The following PCDHGA8 variants were observed in gnomAD, a reference collection of about 807,000 sequenced individuals.
The protein encoded by PCDHGA8 is protocadherin gamma-A8.
PCDHGA8 carries 45 observed loss-of-function variants against 59.2 expected under a neutral mutation model. The ratio of observed to expected loss-of-function variants is 0.76; its 90% CI spans 0.60 to 0.98. The LOEUF is 0.98. Among genes scored for constraint, PCDHGA8 ranks in the 50% least tolerant of loss-of-function variants. The probability of loss-of-function intolerance (pLI) is 0.00; values close to 1 mark genes in which losing one functional copy is unlikely to be tolerated. For missense variants in PCDHGA8, 1,257 were observed against 1,196.2 expected (o/e 1.05, Z -0.75); for synonymous variants, 531 against 519.0 (o/e 1.02, Z -0.32).
intron 1 of PCDHGA8, among the ~76,000 whole-genome samples, chr5:141,444,646 G>T (rs1023259048): frequency 1.3e-5 from 2 of 152,098 alleles, no homozygotes; most frequent in Non-Finnish European, 2.9e-5. Flanking sequence ...TGAGGTAGGG[G>T]TTGAAGTTAT....
intron 1 of PCDHGA8, chr5:141,423,684 T>G (rs201506477): frequency 6.6e-7 from 1 of 1,524,756 alleles, no homozygotes; most frequent in Non-Finnish European, 8.8e-7. Context: ...CTCTGCCTCC[T>G]AATTGTTGGT....
Position 141,476,176 on chromosome 5 carries a change from G to C in PCDHGA8, c.2425-18631G>C, listed in dbSNP as rs778169270. 1 of 1,613,530 alleles carries C rather than the reference G, an allele frequency of 6.2e-7. No homozygotes were observed. The highest frequency in any genetic ancestry group is 8.5e-7 in the Non-Finnish European group (1 of 1,180,006). On this transcript the variant is annotated intron_variant, in intron 1 of 3. Transcript: ENST00000398604. The surrounding 1 kb of genome is among the most constrained non-coding windows in gnomAD (Gnocchi z 7.6). ...GCACCGGGAGGGTAGTGGGAGTTTT[G>C]CTTCTGCTTGGTGCCTTGAACAAGG...
chr5:141,394,256 C>G lies in PCDHGA8; in HGVS notation c.1443C>G (p.Ser481Arg). Residue 481 changes from serine (S) to arginine (R), a missense_variant, in exon 1 of 4, where the codon AGC (serine) becomes AGG (arginine). Physicochemically the swap from Ser to Arg is moderately radical, Grantham distance 110. Transcript: ENST00000398604. ...IFSLTAHDPD[S>R]QENAQVTYSV... ...CCTTGACTGCACACGACCCCGACAG[C>G]CAGGAGAATGCCCAGGTCACTTACT... is the stretch of plus-strand genomic sequence containing the variant. The G allele has an allele frequency of 6.2e-7, 1 of 1,613,942 alleles. No individual in the cohort carries two copies. The highest frequency in any genetic ancestry group is 8.5e-7 in the Non-Finnish European group (1 of 1,179,888).
chr5:141,444,093 G>A (rs531514787), intron 1 of PCDHGA8, among the ~76,000 whole-genome samples: 1 of 147,730 alleles, frequency 6.8e-6, no homozygotes, highest in East Asian at 2.0e-4. Flanking sequence ...GTCTGCTAAG[G>A]ATTGGAAACC....
Position 141,441,798 on chromosome 5 carries a change from CGGGT to C in PCDHGA8, c.2424+46563_2424+46566del, listed in dbSNP as rs1242635625. 6.4e-4 allele frequency: 248 copies of C among 387,326 alleles called. 2 individuals are homozygous for C. The highest frequency in any genetic ancestry group is 4.8e-3 in the African/African-American group (220 of 46,120). 24.0% of individuals were successfully genotyped at this position (387,326 alleles called of 1,614,324 possible). A position where few individuals can be genotyped will look rare whatever the true frequency, so the allele number is the denominator to read the frequency against. ...GGACGACCTGAATGACAACGCACCG[CGGGT>C]GCTGTACCCCAGCTCTGGAGCGCAA... On this transcript the variant is annotated intron_variant, in intron 1 of 3. Transcript: ENST00000398604.
rs1021096537 is a variant in PCDHGA8, at chr5:141,511,383, T to C, written c.*210T>C. 2 of 1,155,330 alleles carry C rather than the reference T, an allele frequency of 1.7e-6. No homozygotes were observed. Among genetic ancestry groups the C allele is most frequent in the Non-Finnish European group, 2.4e-6 (2 of 841,000 alleles). The allele number at this position is 1,155,330 out of a possible 1,614,324, so 71.6% of individuals were successfully genotyped here. ...GTTGAATATGCAAAAGCAGTTCCGC[T>C]GGGAACCCCCATCCAATCAACTGCT... is the stretch of plus-strand genomic sequence containing the variant. On this transcript the variant is annotated 3_prime_UTR_variant, in exon 4 of 4. Transcript: ENST00000398604.
intron 3 of PCDHGA8, among the ~76,000 whole-genome samples, chr5:141,509,164 C>A (rs1454864362): frequency 6.6e-6 from 1 of 152,188 alleles, no homozygotes; most frequent in Non-Finnish European, 1.5e-5. Context: ...TCCCGTGTGC[C>A]CTCCTCCTCT....
intron 1 of PCDHGA8, among the ~76,000 whole-genome samples, chr5:141,469,599 A>G (rs2099206392): frequency 6.6e-6 from 1 of 152,192 alleles, no homozygotes; most frequent in Non-Finnish European, 1.5e-5. Flanking sequence ...ATAAAACAAA[A>G]TAAGTAAAAT....
Position 141,485,183 on chromosome 5 carries a change from A to C in PCDHGA8, c.2425-9624A>C, listed in dbSNP as rs777796801. On this transcript the variant is annotated intron_variant, in intron 1 of 3. Transcript: ENST00000398604. This position sits in a 1 kb window ranked among gnomAD's most constrained non-coding sequence, Gnocchi z 5.7. ...TTAGCGGGCGGCAGCAATGCTCCGC[A>C]AGGTGAGAAGCTGGACAGAAATCTG... 1.9e-6 allele frequency: 3 copies of C among 1,613,248 alleles called. No individual in the cohort carries two copies. The highest frequency in any genetic ancestry group is 3.3e-5 in the Admixed American group (2 of 60,006).
chr5:141,430,756 A>G (rs747363475), intron 1 of PCDHGA8: 1 of 1,503,228 alleles, frequency 6.7e-7, no homozygotes, highest in Non-Finnish European at 8.9e-7. Flanking sequence ...GGAGGAAGAT[A>G]AGAATGATTC....
chr5:141,423,061 G>T, intron 1 of PCDHGA8: 2 of 1,614,160 alleles, frequency 1.2e-6, no homozygotes, highest in Non-Finnish European at 1.7e-6. Context: ...CCTGCTTAAG[G>T]CCAGCGAGCC....
chr5:141,486,019 T>C lies in PCDHGA8; in HGVS notation c.2425-8788T>C, dbSNP rs2078071. 3.2e-3 allele frequency: 5,143 copies of C among 1,613,986 alleles called. 141 individuals carry two copies. In the South Asian group the frequency reaches 0.046, roughly 14 times the overall value. ...GTGGTAACGTCACCTTTTATTTCAG[T>C]GGTCATACCCCTGATCGTGTAAGAA... On this transcript the variant is annotated intron_variant, in intron 1 of 3. Transcript: ENST00000398604. The surrounding 1 kb of genome is among the most constrained non-coding windows in gnomAD (Gnocchi z 5.0).
Position 141,510,980 on chromosome 5 carries a change from G to C in PCDHGA8, c.2606G>C (p.Gly869Ala), listed in dbSNP as rs1466168256. 12 of 1,614,170 alleles carry C rather than the reference G, an allele frequency of 7.4e-6. No individual in the cohort carries two copies. The highest frequency in any genetic ancestry group is 9.3e-6 in the Non-Finnish European group (11 of 1,180,014). ...AADGSSTLGG[G>A]AGTMGLSARY... ...GATGGGAGCTCCACCCTGGGAGGGG[G>C]TGCCGGCACCATGGGATTGAGCGCC... is the stretch of plus-strand genomic sequence containing the variant. Residue 869 changes from glycine (G) to alanine (A), a missense_variant, in exon 4 of 4, where the codon GGT becomes GCT. By Grantham distance (60) the Gly-to-Ala change is moderately conservative (BLOSUM62 0). Transcript: ENST00000398604.
rs1178101439 is a variant in PCDHGA8, at chr5:141,443,790, T to C, written c.2424+48553T>C. On this transcript the variant is annotated intron_variant, in intron 1 of 3. Coordinates refer to ENST00000398604, the MANE Select transcript of PCDHGA8 (RefSeq NM_032088.2). Reference sequence around the variant, plus strand: ...AATATTACCAAAAAGACAAAAAAAATGAAAAGGAAACAGTTACCTTTGGAA... The same window carrying C: ...AATATTACCAAAAAGACAAAAAAAACGAAAAGGAAACAGTTACCTTTGGAA... Among the ~76,000 whole-genome samples, 6 of 151,950 alleles carry C rather than the reference T, an allele frequency of 3.9e-5. No homozygotes were observed. The East Asian group carries it at 1.2e-3, about 29-fold the overall frequency.
intron 1 of PCDHGA8, chr5:141,413,430 C>T (rs745782366): frequency 6.2e-7 from 1 of 1,614,078 alleles, no homozygotes; most frequent in Admixed American, 1.7e-5. Context: ...ACCCGCGCAG[C>T]GGCAGCTTGA....
chr5:141,410,119 C>T (rs1306210256), intron 1 of PCDHGA8: 2 of 1,612,822 alleles, frequency 1.2e-6, no homozygotes, highest in Middle Eastern at 1.7e-4. Flanking sequence ...ACGCAGCCCG[C>T]CAGCGCCTGC....
Position 141,486,587 on chromosome 5 carries a change from G to C in PCDHGA8, c.2425-8220G>C. 6.2e-7 allele frequency: 1 copy of C among 1,613,596 alleles called. No individual in the cohort carries two copies. The highest frequency in any genetic ancestry group is 8.5e-7 in the Non-Finnish European group (1 of 1,180,006). On this transcript the variant is annotated intron_variant, in intron 1 of 3. Transcript: ENST00000398604. The surrounding 1 kb of genome is among the most constrained non-coding windows in gnomAD (Gnocchi z 5.0). ...TGTTCCTGAGAACAATCGCCCAGGG[G>C]ACCTGCTTTGCTCCCTTGCAGCCTC...
chr5:141,410,849 C>CTTTTTTTTTTTT lies in PCDHGA8; in HGVS notation c.2424+15623_2424+15634dup. The CTTTTTTTTTTTT allele has an allele frequency of 2.7e-3, 375 of 138,154 alleles. 24 individuals are homozygous for CTTTTTTTTTTTT. The highest frequency in any genetic ancestry group is 6.9e-3 in the African/African-American group (114 of 16,622). 8.6% of individuals were successfully genotyped at this position (138,154 alleles called of 1,614,324 possible). ...CAGACTGAAGATATTTTGTCTTTGTCTTTTTTTTTTTTTTTTTTTTTTGAG... is the reference window on the plus strand; with the variant it reads ...CAGACTGAAGATATTTTGTCTTTGTCTTTTTTTTTTTTTTTTTTTTTTTTTTTTTTTTTTGAG... On this transcript the variant is annotated intron_variant, in intron 1 of 3. Coordinates refer to ENST00000398604, the MANE Select transcript of PCDHGA8 (RefSeq NM_032088.2).
At position 141,487,137 on chromosome 5, in the gene PCDHGA8, T is replaced by A. The variant is rs2154580779; in HGVS notation, c.2425-7670T>A. ...GTAAAGGATAGTGGTAGTCCACCAC[T>A]CTCTACCTCTGTTACTCTCTTAGTG... On this transcript the variant is annotated intron_variant, in intron 1 of 3. Coordinates refer to ENST00000398604, the MANE Select transcript of PCDHGA8 (RefSeq NM_032088.2). The surrounding 1 kb of genome is among the most constrained non-coding windows in gnomAD (Gnocchi z 5.0). 1.9e-6 allele frequency: 3 copies of A among 1,614,092 alleles called. No individual in the cohort carries two copies. The East Asian group carries it at 6.7e-5, about 36-fold the overall frequency.
Sources: allele counts gnomAD v4.1 joint callset (sites outside exome capture counted in the v4.1 genomes callset), GRCh38; gene constraint gnomAD v4.1.1; non-coding constraint Gnocchi (gnomAD v3.1); transcripts MANE v1.5; gene names NCBI Gene and HGNC (gene_info 2026-07-23, HGNC 2026-07-21).